TASP1: variants seen among roughly 807,000 people sequenced by gnomAD.
TASP1 encodes threonine aspartase 1.
Under a neutral mutation model 56.6 loss-of-function variants are expected in TASP1, and 16 were observed. That is an observed-to-expected ratio of 0.28 (90% CI 0.19 to 0.43). The LOEUF is 0.43. Among genes scored for constraint, TASP1 ranks in the 20% least tolerant of loss-of-function variants. The pLI, the probability that TASP1 is intolerant of heterozygous loss-of-function variation, is 1.00. For missense variants in TASP1, 393 were observed against 511.6 expected, an observed-to-expected ratio of 0.77 and a Z score of 2.24; for synonymous variants, 179 against 184.2, an observed-to-expected ratio of 0.97 and a Z score of 0.23.
At chr20:13,224,995 G>A in the TASP1 span, among the ~76,000 whole-genome samples, 14 of 150,344 alleles carry the variant, frequency 9.3e-5, no homozygotes, top group African/African-American at 2.7e-4. Flanking sequence ...ACAGGCGCCT[G>A]CCACCACGCC....
chr20:13,299,069 C>CGACAT, the TASP1 span: 1 of 1,613,770 alleles, frequency 6.2e-7, no homozygotes, highest in East Asian at 2.2e-5. The surrounding 1 kb of genome is among the most constrained non-coding windows in gnomAD (Gnocchi z 5.8). Context: ...ACAGCACGGC[C>CGACAT]GACATCTTCG....
At chr20:13,476,292 T>C (rs34390619) in intron 11 of TASP1, among the ~76,000 whole-genome samples, 4,011 of 152,322 alleles carry the variant, frequency 0.026, 80 homozygotes, top group Non-Finnish European at 0.04. Flanking sequence ...GAGCTGACAG[T>C]GTACTCCTTC....
At chr20:13,381,989 G>T in the TASP1 span, among the ~76,000 whole-genome samples, 2 of 152,154 alleles carry the variant, frequency 1.3e-5, no homozygotes, top group Admixed American at 6.5e-5. Context: ...TGCACACCAG[G>T]ATCCAGCCTC....
At chr20:13,570,245 T>A (rs141590097) in intron 6 of TASP1, among the ~76,000 whole-genome samples, 1 of 152,242 alleles carries the variant, frequency 6.6e-6, no homozygotes, top group African/African-American at 2.4e-5. Context: ...TCAAATAGCA[T>A]GTAGGATAAT....
chr20:13,597,772 T>C (rs2045816500), intron 4 of TASP1, among the ~76,000 whole-genome samples: 1 of 152,168 alleles, frequency 6.6e-6, no homozygotes, highest in Non-Finnish European at 1.5e-5. Context: ...TGATTGTATA[T>C]TTAGAAAACC....
the TASP1 span, among the ~76,000 whole-genome samples, chr20:13,352,813 T>G: frequency 4.9e-4 from 75 of 152,348 alleles, no homozygotes; most frequent in African/African-American, 1.7e-3. Context: ...AATCCAGTCC[T>G]GATCACATCT....
chr20:13,467,159 T>C (rs965955479), intron 11 of TASP1, among the ~76,000 whole-genome samples: 16 of 148,214 alleles, frequency 1.1e-4, no homozygotes, highest in African/African-American at 3.0e-4. Context: ...TTCATAGATA[T>C]AGAGATGGAA....
chr20:13,508,190 A>ATT (rs58400670), intron 10 of TASP1, among the ~76,000 whole-genome samples: 98 of 148,810 alleles, frequency 6.6e-4, no homozygotes, highest in Admixed American at 8.1e-4. Context: ...GTTGGAAATG[A>ATT]TTTTTTTTTT....
the TASP1 span, among the ~76,000 whole-genome samples, chr20:13,344,658 G>A: frequency 6.6e-6 from 1 of 152,252 alleles, no homozygotes; most frequent in South Asian, 2.1e-4. Flanking sequence ...TTAGCCCATG[G>A]GGTCAATATG....
intron 10 of TASP1, among the ~76,000 whole-genome samples, chr20:13,501,868 C>T (rs2043959812): frequency 6.6e-6 from 1 of 151,792 alleles, no homozygotes; most frequent in African/African-American, 2.4e-5. Context: ...AAGAAAGTTG[C>T]TCTGACTATA....
At chr20:13,359,389 G>C in the TASP1 span, among the ~76,000 whole-genome samples, 1 of 151,656 alleles carries the variant, frequency 6.6e-6, no homozygotes, top group African/African-American at 2.4e-5. Flanking sequence ...CTGGCCCAAG[G>C]CTCTCTGACT....
In TASP1 at chr20:13,482,100, G is replaced by A. The variant is rs183594092; in HGVS notation, c.985+1127C>T. On this transcript the variant is annotated intron_variant, in intron 11 of 13. Transcript: ENST00000337743. ...TGTTTTGATTTGATTTTTGTATATG[G>A]TGAGAGACAGGAGTCTAGTTTCATT... Among the ~76,000 whole-genome samples, 228 of 152,228 alleles carry A rather than the reference G, an allele frequency of 1.5e-3. 4 individuals carry two copies. Among genetic ancestry groups the A allele is most frequent in the South Asian group, 1.2e-3 (6 of 4,824 alleles).
the TASP1 span, among the ~76,000 whole-genome samples, chr20:13,284,851 G>C: frequency 1.3e-5 from 2 of 152,188 alleles, no homozygotes; most frequent in African/African-American, 4.8e-5. Context: ...GGCTTTGTGA[G>C]CATTTAAAAT....
chr20:13,130,466 C>A, the TASP1 span, among the ~76,000 whole-genome samples: 2 of 152,252 alleles, frequency 1.3e-5, no homozygotes, highest in Non-Finnish European at 2.9e-5. Flanking sequence ...ATCTGCAATG[C>A]AAAGCCATAC....
chr20:13,468,556 C>T (rs962637978), intron 11 of TASP1, among the ~76,000 whole-genome samples: 1 of 152,112 alleles, frequency 6.6e-6, no homozygotes, highest in South Asian at 2.1e-4. Context: ...ATGTTATGAG[C>T]ATTATAATAA....
At chr20:13,438,574 C>T (rs2043099062) in intron 11 of TASP1, among the ~76,000 whole-genome samples, 1 of 152,144 alleles carries the variant, frequency 6.6e-6, no homozygotes, top group Non-Finnish European at 1.5e-5. Context: ...CTAGGCAATA[C>T]CATTCAGGAC....
the TASP1 span, among the ~76,000 whole-genome samples, chr20:13,340,154 A>G: frequency 1.3e-5 from 2 of 152,150 alleles, no homozygotes; most frequent in Non-Finnish European, 2.9e-5. Context: ...ACAAACACAA[A>G]AAAACATCTG....
the TASP1 span, chr20:13,164,526 T>C: frequency 1.8e-6 from 1 of 568,640 alleles, no homozygotes; most frequent in Non-Finnish European, 3.2e-6. Context: ...AAAATAAACA[T>C]TCATAGTATG....
At chr20:13,609,683 T>A (rs2048282041) in intron 4 of TASP1, among the ~76,000 whole-genome samples, 1 of 120,748 alleles carries the variant, frequency 8.3e-6, no homozygotes. Flanking sequence ...CAAAACTCTG[T>A]CTCAAAAAAA....
Sources: allele counts gnomAD v4.1 joint callset (sites outside exome capture counted in the v4.1 genomes callset), GRCh38; gene constraint gnomAD v4.1.1; non-coding constraint Gnocchi (gnomAD v3.1); transcripts MANE v1.5; gene names NCBI Gene and HGNC (gene_info 2026-07-23, HGNC 2026-07-21).